Variants in RMDN1 observed in about 807,000 individuals in gnomAD.
RMDN1 encodes the protein regulator of microtubule dynamics protein 1.
In RMDN1, 48 loss-of-function variants were observed where a neutral mutation model predicts 48.9. The observed-to-expected ratio is 0.98, with a 90% CI of 0.78 to 1.25. The LOEUF is 1.25. Ranked by LOEUF, RMDN1 falls within the 50% of genes most tolerant of loss-of-function variation. The pLI is 0.00. For synonymous variants in RMDN1, 148 were observed against 132.6 expected (o/e 1.12, Z -0.80); for missense variants, 418 against 373.4 (o/e 1.12, Z -0.98).
At chr8:86,513,593 T>C (rs551767301), upstream of RMDN1, among the ~76,000 whole-genome samples, 2 of 152,308 alleles carry the variant, frequency 1.3e-5, no homozygotes, top group East Asian at 3.9e-4. Context: ...TTGAGGTTAG[T>C]TTACTTACAA....
chr8:86,481,499 T>C (rs979690173), intron 5 of RMDN1, among the ~76,000 whole-genome samples: 9 of 151,064 alleles, frequency 6.0e-5, no homozygotes, highest in African/African-American at 1.9e-4. Flanking sequence ...TCTAGATGCA[T>C]AGGAAGGAAG....
upstream of RMDN1, among the ~76,000 whole-genome samples, chr8:86,513,289 C>T (rs746030647): frequency 1.3e-5 from 2 of 152,150 alleles, no homozygotes; most frequent in Admixed American, 1.3e-4. Flanking sequence ...GCAGGAGAAT[C>T]GCTTGAACCC....
At chr8:86,485,680 C>T (rs1586656899) in intron 4 of RMDN1, among the ~76,000 whole-genome samples, 1 of 152,122 alleles carries the variant, frequency 6.6e-6, no homozygotes, top group Admixed American at 6.5e-5. Context: ...CAACTGTGAC[C>T]TTGTCTCCAC....
Position 86,477,317 on chromosome 8 carries a change from C to A in RMDN1, c.737G>T (p.Gly246Val), listed in dbSNP as rs770090488. Residue 246 changes from glycine (G) to valine (V), a missense_variant, in exon 8 of 10, where the codon GGC (glycine) becomes GTC (valine). Coordinates refer to ENST00000406452, the MANE Select transcript of RMDN1 (RefSeq NM_016033.3). The stretch of plus-strand genomic sequence containing the variant: ...ACCTTGTTCTGCCCTGTGAAAGTAG[C>A]CTAAGGCCTGTCAAAAACACAAAGA... The part of the protein sequence containing the change: ...PPSSTYEKAL[G>V]YFHRAEQVDP... 5.6e-6 allele frequency: 9 copies of A among 1,596,766 alleles called. No homozygotes were observed. Among genetic ancestry groups the A allele is most frequent in the African/African-American group, 1.4e-5 (1 of 73,836 alleles).
intron 3 of RMDN1, 75 bp from the exon 4 acceptor site, chr8:86,486,718 A>G: frequency 8.7e-7 from 1 of 1,155,490 alleles, no homozygotes; most frequent in Non-Finnish European, 1.2e-6. Flanking sequence ...TTACTAATGA[A>G]TACATTATGG....
At chr8:86,494,973 CA>C in intron 2 of RMDN1, 1 of 413,674 alleles carries the variant, frequency 2.4e-6, no homozygotes, top group Non-Finnish European at 4.7e-6. Context: ...GACTCTGTCT[CA>C]AAAAATAAAA....
chr8:86,508,695 T>C (rs1819840756), upstream of RMDN1: 1 of 1,398,248 alleles, frequency 7.2e-7, no homozygotes, highest in Non-Finnish European at 9.2e-7. Flanking sequence ...GGAGATTCAA[T>C]CCTTCCGGAA....
chr8:86,504,842 T>C (rs1819037351), intron 2 of RMDN1: 1 of 1,069,382 alleles, frequency 9.4e-7, no homozygotes, highest in Non-Finnish European at 1.5e-6. Context: ...TCTTCCCCTC[T>C]GCTGCTTATT....
chr8:86,513,875 CAG>C (rs1337469958), intron 1 of RMDN1, among the ~76,000 whole-genome samples: 4 of 148,560 alleles, frequency 2.7e-5, no homozygotes, highest in African/African-American at 9.9e-5. Flanking sequence ...TTTTTTAAGA[CAG>C]GGTCTGTTTG....
downstream of RMDN1, among the ~76,000 whole-genome samples, chr8:86,470,624 T>C (rs1289558161): frequency 6.6e-6 from 1 of 152,192 alleles, no homozygotes; most frequent in Admixed American, 6.5e-5. Context: ...TTATTTGTAA[T>C]AGCTAAAAAT....
At chr8:86,482,009 A>G in intron 5 of RMDN1, 1 of 828,872 alleles carries the variant, frequency 1.2e-6, no homozygotes, top group Non-Finnish European at 2.0e-6. Context: ...ACAGTCCTAT[A>G]CGAAGTTGTT....
intron 9 of RMDN1, 172 bp from the exon 10 acceptor site, chr8:86,474,530 T>C (rs1403145950): frequency 2.9e-6 from 2 of 691,028 alleles, no homozygotes; most frequent in Non-Finnish European, 5.2e-6. Flanking sequence ...TCCACTTTAG[T>C]ACACATCCCA....
At chr8:86,470,175 A>C (rs1357654742), downstream of RMDN1, 33 of 1,288,562 alleles carry the variant, frequency 2.6e-5, no homozygotes, top group Non-Finnish European at 3.1e-5. Context: ...GATATAGCCT[A>C]TGTATGTAAT....
At chr8:86,493,773 A>T (rs1326414435) in intron 2 of RMDN1, among the ~76,000 whole-genome samples, 3 of 152,230 alleles carry the variant, frequency 2.0e-5, no homozygotes, top group Non-Finnish European at 2.9e-5. Flanking sequence ...AAGTTATTTA[A>T]AATCTTGTAT....
downstream of RMDN1, chr8:86,470,339 G>A: frequency 7.8e-7 from 1 of 1,289,308 alleles, no homozygotes; most frequent in Non-Finnish European, 1.0e-6. Context: ...CCTGGGGTTT[G>A]TTCTCAGTAA....
rs1813557081 is a variant in RMDN1 at position 86,477,340 on chromosome 8, A to G, written c.730-16T>C. On this transcript the variant is annotated splice_polypyrimidine_tract_variant and intron_variant, in intron 7 of 9. Transcript: ENST00000406452. The stretch of plus-strand genomic sequence containing the variant: ...AGCCTAAGGCCTGTCAAAAACACAA[A>G]GAGCCCAAACATAATAAAAAAGATT... The G allele has an allele frequency of 6.3e-7, 1 of 1,590,390 alleles. No homozygotes were observed. The highest frequency in any genetic ancestry group is 8.6e-7 in the Non-Finnish European group (1 of 1,167,364).
Position 86,503,169 on chromosome 8 carries a change from T to C in RMDN1, c.247+3826A>G, listed in dbSNP as rs547050914. 3.0e-4 allele frequency among the ~76,000 whole-genome samples: 45 copies of C among 151,944 alleles called. No homozygotes were observed. In the East Asian group the frequency reaches 5.2e-3, roughly 18 times the overall value. ...GAGTTTGAGACCAGCCTGACCAACA[T>C]GGTGAAACCCCGTCTCTACTAAAAA... On this transcript the variant is annotated intron_variant, in intron 2 of 9. Coordinates refer to ENST00000406452, the MANE Select transcript of RMDN1 (RefSeq NM_016033.3).
chr8:86,503,366 C>CAAAAAA (rs1354324383), intron 2 of RMDN1, among the ~76,000 whole-genome samples: 26 of 70,470 alleles, frequency 3.7e-4, no homozygotes, highest in Admixed American at 1.2e-3. Context: ...CAAAACAAAA[C>CAAAAAA]AAAACAAAAA....
chr8:86,505,616 T>C (rs1238708389), intron 2 of RMDN1, among the ~76,000 whole-genome samples: 2 of 152,220 alleles, frequency 1.3e-5, no homozygotes, highest in Non-Finnish European at 2.9e-5. Context: ...GTTTGTTACA[T>C]AGGTATACAT....
Sources: allele counts gnomAD v4.1 joint callset (sites outside exome capture counted in the v4.1 genomes callset), GRCh38; gene constraint gnomAD v4.1.1; transcripts MANE v1.5; gene names NCBI Gene and HGNC (gene_info 2026-07-23, HGNC 2026-07-21).